The following CCDC171 variants were observed in gnomAD, a reference collection of about 807,000 sequenced individuals.
The protein encoded by CCDC171 is coiled-coil domain containing 171, also known as coiled-coil domain-containing protein 171.
CCDC171 carries 177 observed loss-of-function variants against 168.2 expected under a neutral mutation model. That is an observed-to-expected ratio of 1.05 (90% confidence interval 0.93 to 1.19). The LOEUF (loss-of-function observed/expected upper bound fraction) is 1.19, where lower values mean the gene tolerates loss of function less well. CCDC171 is among the 50% of genes most tolerant of loss of function. CCDC171 has a pLI of 0.00. For missense variants in CCDC171, 1,991 were observed against 1,539.0 expected, an observed-to-expected ratio of 1.29 and a Z score of -4.91; for synonymous variants, 687 against 540.8, an observed-to-expected ratio of 1.27 and a Z score of -3.75.
chr9:15,984,100 A>T (rs368773464), intron 3 of CCDC171, among the ~76,000 whole-genome samples: 1 of 92,904 alleles, frequency 1.1e-5, no homozygotes, highest in East Asian at 2.8e-4. Flanking sequence ...TCTTTGAAAT[A>T]TAGAGCCCAG....
At chr9:16,105,454 C>G in the CCDC171 span, among the ~76,000 whole-genome samples, 1 of 43,888 alleles carries the variant, frequency 2.3e-5, no homozygotes, top group African/African-American at 3.8e-4. Context: ...AGTCCAGCAC[C>G]CCCCCCTTCT....
At chr9:15,678,611 T>C (rs2049811671) in intron 9 of CCDC171, 147 bp from the exon 10 acceptor site, 1 of 546,630 alleles carries the variant, frequency 1.8e-6, no homozygotes, top group Non-Finnish European at 3.1e-6. Context: ...TATTCAGTAC[T>C]TTTTGTTTGA....
intron 1 of CCDC171, among the ~76,000 whole-genome samples, chr9:15,559,241 TG>T (rs1220941141): frequency 1.7e-4 from 26 of 151,786 alleles, no homozygotes; most frequent in African/African-American, 6.1e-4. Context: ...TGTAGATGTC[TG>T]TTAGGTCTGC....
chr9:15,835,977 A>G (rs1449319729), intron 21 of CCDC171, among the ~76,000 whole-genome samples: 3 of 152,028 alleles, frequency 2.0e-5, no homozygotes, highest in Admixed American at 6.5e-5. Context: ...TTATTTTTCT[A>G]TAATGTCCTT....
At chr9:15,593,683 T>C (rs2042148474) in intron 5 of CCDC171, among the ~76,000 whole-genome samples, 1 of 152,070 alleles carries the variant, frequency 6.6e-6, no homozygotes, top group African/African-American at 2.4e-5. Flanking sequence ...TATGATATCA[T>C]ATATTGATAT....
chr9:16,020,227 C>T (rs1833124370), intron 3 of CCDC171, among the ~76,000 whole-genome samples: 1 of 152,144 alleles, frequency 6.6e-6, no homozygotes, highest in African/African-American at 2.4e-5. Flanking sequence ...AAATTACTTT[C>T]AGGCTATGTG....
At position 15,704,714 on chromosome 9, in the gene CCDC171, C is replaced by T. The variant is rs550183299; in HGVS notation, c.1318+9377C>T. Among the ~76,000 whole-genome samples the T allele has an allele frequency of 4.6e-5, 7 of 152,298 alleles. No homozygotes were observed. In the East Asian group the frequency reaches 1.3e-3, roughly 29 times the overall value. ...TTCTACATTAAGAAACTTTCCGATG[C>T]ACATGTCCCACCAGCTTATATTCAG... On this transcript the variant is annotated intron_variant, in intron 11 of 25. Transcript: ENST00000380701.
the CCDC171 span, among the ~76,000 whole-genome samples, chr9:16,102,135 G>C: frequency 1.3e-5 from 2 of 152,184 alleles, no homozygotes; most frequent in Admixed American, 1.3e-4. Flanking sequence ...AAGGACTGAA[G>C]ATGAAGAACA....
chr9:15,759,484 C>T (rs1057248322), intron 18 of CCDC171, among the ~76,000 whole-genome samples: 1 of 152,072 alleles, frequency 6.6e-6, no homozygotes, highest in Non-Finnish European at 1.5e-5. Flanking sequence ...CTAGTTGTCC[C>T]GACTATGTTC....
intron 6 of CCDC171, among the ~76,000 whole-genome samples, chr9:16,030,516 G>A (rs1201390250): frequency 6.6e-6 from 1 of 152,184 alleles, no homozygotes; most frequent in African/African-American, 2.4e-5. Context: ...AGAATGTGTT[G>A]ATTTAAAGTG....
chr9:15,955,277 G>A (rs1236705930), intron 25 of CCDC171, among the ~76,000 whole-genome samples: 1 of 152,112 alleles, frequency 6.6e-6, no homozygotes, highest in South Asian at 2.1e-4. Flanking sequence ...GTCCCAAAGG[G>A]GGGAAAAGAG....
At chr9:16,056,026 T>C (rs1200355513) in intron 1 of CCDC171, among the ~76,000 whole-genome samples, 1 of 152,252 alleles carries the variant, frequency 6.6e-6, no homozygotes, top group Non-Finnish European at 1.5e-5. Context: ...AGAATGCTTT[T>C]ATTTTAAAGC....
chr9:16,056,281 A>G (rs974811566), intron 1 of CCDC171, among the ~76,000 whole-genome samples: 3 of 152,218 alleles, frequency 2.0e-5, no homozygotes, highest in African/African-American at 4.8e-5. Flanking sequence ...GGAACTTTCT[A>G]CAACAATGGA....
downstream of CCDC171, among the ~76,000 whole-genome samples, chr9:16,064,597 A>G (rs536509923): frequency 6.6e-6 from 1 of 152,262 alleles, no homozygotes; most frequent in South Asian, 2.1e-4. Context: ...ACTTGTCATC[A>G]CTTGGCTCTC....
At chr9:15,671,246 C>T (rs1181542013) in intron 9 of CCDC171, among the ~76,000 whole-genome samples, 1 of 152,158 alleles carries the variant, frequency 6.6e-6, no homozygotes, top group Non-Finnish European at 1.5e-5. Flanking sequence ...CATGTTCCTA[C>T]ACCTCAGAGA....
intron 18 of CCDC171, among the ~76,000 whole-genome samples, chr9:15,756,941 C>T (rs906458581): frequency 9.2e-5 from 14 of 152,302 alleles, no homozygotes; most frequent in African/African-American, 3.1e-4. Flanking sequence ...TGTGAGGCCT[C>T]CTCAGCCATG....
intron 8 of CCDC171, among the ~76,000 whole-genome samples, chr9:15,662,585 C>T (rs1456239971): frequency 6.6e-6 from 1 of 152,060 alleles, no homozygotes; most frequent in South Asian, 2.1e-4. Context: ...CCTATCAGCT[C>T]CTCAAGATCT....
intron 8 of CCDC171, among the ~76,000 whole-genome samples, chr9:15,664,696 T>G (rs989637670): frequency 2.1e-5 from 1 of 47,152 alleles, no homozygotes; most frequent in South Asian, 5.4e-4. Flanking sequence ...ATAGTTTTGT[T>G]TTTTTTTTTT....
At chr9:15,580,889 C>G (rs183850833) in intron 4 of CCDC171, among the ~76,000 whole-genome samples, 4 of 152,232 alleles carry the variant, frequency 2.6e-5, no homozygotes, top group Non-Finnish European at 4.4e-5. Context: ...GATGCCCTCT[C>G]TCACCACTCC....
Sources: gnomAD v4.1 joint callset for allele counts (sites outside exome capture counted in the v4.1 genomes callset) on GRCh38, gnomAD v4.1.1 for gene constraint, MANE v1.5 for transcripts, NCBI Gene and HGNC (gene_info 2026-07-23, HGNC 2026-07-21) for gene names.